The following SLAMF9 variants were observed in gnomAD, a reference collection of about 807,000 sequenced individuals.
The protein encoded by SLAMF9 is CD2 family member 10.
In SLAMF9, 25 loss-of-function variants were observed where a neutral mutation model predicts 30.4. That is an observed-to-expected ratio of 0.82 (90% CI 0.60 to 1.15). The LOEUF (loss-of-function observed/expected upper bound fraction) is 1.15. Among genes scored for constraint, SLAMF9 ranks in the 50% most tolerant of loss-of-function variants. SLAMF9 has a pLI of 0.00. For missense variants in SLAMF9, 344 were observed against 346.1 expected (o/e 0.99, Z 0.05); for synonymous variants, 129 against 127.2 (o/e 1.01, Z -0.09).
the SLAMF9 span, among the ~76,000 whole-genome samples, chr1:159,980,954 C>T: frequency 6.6e-6 from 1 of 152,218 alleles, no homozygotes; most frequent in Non-Finnish European, 1.5e-5. Context: ...GCAGAACTCA[C>T]AGGAAGGAGA....
the SLAMF9 span, chr1:159,973,662 C>T: frequency 0.015 from 11,262 of 746,994 alleles, 140 homozygotes; most frequent in South Asian, 0.032. Flanking sequence ...TCTTGGGAAA[C>T]CTCGGGTCCC....
At chr1:159,964,702 C>G in the SLAMF9 span, among the ~76,000 whole-genome samples, 2 of 152,224 alleles carry the variant, frequency 1.3e-5, no homozygotes, top group Admixed American at 6.5e-5. Flanking sequence ...AAACTCGGGT[C>G]TCCCGGTGTC....
chr1:159,973,858 C>A, the SLAMF9 span: 1 of 1,613,582 alleles, frequency 6.2e-7, no homozygotes, highest in South Asian at 1.1e-5. Flanking sequence ...ATATACATCA[C>A]CTGCCCAGTG....
At chr1:159,972,887 C>T in the SLAMF9 span, 1 of 996,116 alleles carries the variant, frequency 1.0e-6, no homozygotes. Context: ...ACCCAAGACC[C>T]TGGCTCCCTC....
At chr1:159,971,274 A>G in the SLAMF9 span, among the ~76,000 whole-genome samples, 2 of 152,214 alleles carry the variant, frequency 1.3e-5, no homozygotes, top group African/African-American at 2.4e-5. Flanking sequence ...GGGCCTAGAG[A>G]TCGGCAGCCC....
chr1:159,968,305 C>T, the SLAMF9 span, among the ~76,000 whole-genome samples: 2 of 152,146 alleles, frequency 1.3e-5, no homozygotes, highest in Non-Finnish European at 2.9e-5. Context: ...CTGTTCACAC[C>T]ACCCCATCTC....
chr1:159,971,676 G>A, the SLAMF9 span, among the ~76,000 whole-genome samples: 38 of 152,152 alleles, frequency 2.5e-4, 1 homozygote, highest in Non-Finnish European at 4.6e-4. Context: ...ACTTGGACTC[G>A]TTCTATCACC....
the SLAMF9 span, chr1:159,973,112 TG>T: frequency 6.5e-7 from 1 of 1,529,914 alleles, no homozygotes; most frequent in East Asian, 2.4e-5. Context: ...TGCAGAGTTC[TG>T]GGTGGGGGCC....
At chr1:159,957,744 AAAC>A (rs375265297), upstream of SLAMF9, among the ~76,000 whole-genome samples, 475 of 152,366 alleles carry the variant, frequency 3.1e-3, 3 homozygotes, top group African/African-American at 0.011. Context: ...TCATATTTTA[AAAC>A]AACATGTTGT....
At chr1:159,964,812 A>G in the SLAMF9 span, among the ~76,000 whole-genome samples, 1 of 152,206 alleles carries the variant, frequency 6.6e-6, no homozygotes, top group Non-Finnish European at 1.5e-5. Context: ...GTCATCATCA[A>G]TAATGTGTAT....
chr1:159,978,704 C>T, the SLAMF9 span: 2 of 152,240 alleles, frequency 1.3e-5, no homozygotes, highest in African/African-American at 2.4e-5. Flanking sequence ...CAAGGACAGA[C>T]CCCAAGGCAA....
chr1:159,981,760 T>A, the SLAMF9 span, among the ~76,000 whole-genome samples: 9 of 152,244 alleles, frequency 5.9e-5, no homozygotes, highest in African/African-American at 2.2e-4. Flanking sequence ...TCCCAGCCAA[T>A]GACTGAGCAC....
upstream of SLAMF9, among the ~76,000 whole-genome samples, chr1:159,958,264 G>A (rs1051532457): frequency 6.6e-6 from 1 of 152,214 alleles, no homozygotes; most frequent in Admixed American, 6.5e-5. Context: ...AGCCGAGGCT[G>A]CTACAGTGAG....
At chr1:159,973,714 C>T in the SLAMF9 span, 9 of 1,296,842 alleles carry the variant, frequency 6.9e-6, no homozygotes, top group South Asian at 3.7e-5. Flanking sequence ...AGACAGGGGT[C>T]CTGTCCAGAG....
At chr1:159,952,820 C>A (rs532411790) in intron 2 of SLAMF9, among the ~76,000 whole-genome samples, 44 of 152,326 alleles carry the variant, frequency 2.9e-4, no homozygotes, top group African/African-American at 1.1e-3. Flanking sequence ...ATTCTGTCTC[C>A]TTGATCCCAT....
chr1:159,973,324 T>G, the SLAMF9 span: 5 of 610,658 alleles, frequency 8.2e-6, no homozygotes, highest in Non-Finnish European at 1.5e-5. Context: ...GAGTCCTGGA[T>G]GATAAAGCCC....
the SLAMF9 span, among the ~76,000 whole-genome samples, chr1:159,962,222 G>A: frequency 6.6e-6 from 1 of 151,954 alleles, no homozygotes; most frequent in Non-Finnish European, 1.5e-5. Context: ...GGGAAAACAT[G>A]GGGTAGAGGG....
chr1:159,973,915 G>A, the SLAMF9 span: 8 of 1,612,460 alleles, frequency 5.0e-6, no homozygotes, highest in African/African-American at 9.3e-5. Flanking sequence ...CTCATGGACA[G>A]AGTCTGGTTT....
At chr1:159,979,645 T>G in the SLAMF9 span, among the ~76,000 whole-genome samples, 1 of 150,830 alleles carries the variant, frequency 6.6e-6, no homozygotes. Context: ...CTAGAGAAAA[T>G]AACGTAAGGC....
Sources: gnomAD v4.1 joint callset for allele counts (sites outside exome capture counted in the v4.1 genomes callset) on GRCh38, gnomAD v4.1.1 for gene constraint, MANE v1.5 for transcripts, NCBI Gene and HGNC (gene_info 2026-07-23, HGNC 2026-07-21) for gene names.